Variants in LRRC8C observed in about 807,000 individuals in gnomAD.
LRRC8C encodes the protein leucine rich repeat containing 8 VRAC subunit C.
A neutral mutation model predicts 55.3 loss-of-function variants in LRRC8C; 20 were observed. The ratio of observed to expected loss-of-function variants is 0.36; its 90% CI spans 0.25 to 0.53. The LOEUF (loss-of-function observed/expected upper bound fraction) is 0.53, where lower values mean the gene tolerates loss of function less well. Ranked by LOEUF, LRRC8C falls within the 20% of genes least tolerant of loss-of-function variation. LRRC8C has a pLI of 0.92. For missense variants in LRRC8C, 659 were observed against 951.4 expected, an observed-to-expected ratio of 0.69 and a Z score of 4.04; for synonymous variants, 376 against 360.7, an observed-to-expected ratio of 1.04 and a Z score of -0.48.
intron 1 of LRRC8C, among the ~76,000 whole-genome samples, chr1:89,662,359 AG>A (rs1488135022): frequency 2.6e-5 from 4 of 152,146 alleles, no homozygotes; most frequent in African/African-American, 9.7e-5. Flanking sequence ...GTGAGATTGC[AG>A]AGGGCCTTTT....
intron 1 of LRRC8C, among the ~76,000 whole-genome samples, chr1:89,681,766 C>G (rs1427658932): frequency 1.3e-5 from 2 of 152,182 alleles, no homozygotes; most frequent in Non-Finnish European, 2.9e-5. Flanking sequence ...ATTATGGGAG[C>G]TACAGTTCAC....
At chr1:89,658,447 A>T (rs945943093) in intron 1 of LRRC8C, among the ~76,000 whole-genome samples, 4 of 152,220 alleles carry the variant, frequency 2.6e-5, no homozygotes, top group Non-Finnish European at 4.4e-5. Context: ...AAGTTTTAAA[A>T]TAGTAATTAT....
intron 1 of LRRC8C, among the ~76,000 whole-genome samples, 196 bp downstream of exon 1, chr1:89,633,518 AG>A (rs1171544518): frequency 5.9e-5 from 9 of 152,156 alleles, no homozygotes; most frequent in Non-Finnish European, 1.0e-4. Flanking sequence ...GCGGCTCAGG[AG>A]CCCGCCAACC....
At chr1:89,659,054 T>TTG (rs749888217) in intron 1 of LRRC8C, among the ~76,000 whole-genome samples, 27,580 of 88,740 alleles carry the variant, frequency 0.31, 4,765 homozygotes, top group Admixed American at 0.46. Context: ...CCAGGTTTTT[T>TTG]TTTTTTTTGT....
chr1:89,694,003 A>G (rs558174520), intron 2 of LRRC8C, among the ~76,000 whole-genome samples: 4 of 152,096 alleles, frequency 2.6e-5, no homozygotes, highest in Admixed American at 2.0e-4. Context: ...CCGTTCTACT[A>G]GGGTCTTTGG....
intron 1 of LRRC8C, among the ~76,000 whole-genome samples, chr1:89,672,751 T>G (rs1657456186): frequency 6.6e-6 from 1 of 152,096 alleles, no homozygotes; most frequent in Admixed American, 6.6e-5. Flanking sequence ...CAACTTATCT[T>G]TCCACCAATT....
chr1:89,712,128 T>C (rs1433949488), intron 2 of LRRC8C, among the ~76,000 whole-genome samples: 9 of 152,196 alleles, frequency 5.9e-5, no homozygotes, highest in Non-Finnish European at 1.2e-4. Context: ...AATTTTTTTT[T>C]TGAGACAAAA....
At chr1:89,651,789 T>C (rs1656792186) in intron 1 of LRRC8C, among the ~76,000 whole-genome samples, 1 of 152,156 alleles carries the variant, frequency 6.6e-6, no homozygotes, top group South Asian at 2.1e-4. Flanking sequence ...GATAGGGACA[T>C]TTTGTAGCAA....
rs564089885 is a variant in LRRC8C, at chr1:89,697,118, T to C, written c.138+10507T>C. ...ATGCCATAACAAATTATGGATATTA[T>C]CTTTTAAGGATGACACTATCTATTC... On this transcript the variant is annotated intron_variant, in intron 2 of 2. Coordinates refer to ENST00000370454, the MANE Select transcript of LRRC8C (RefSeq NM_032270.5). Among the ~76,000 whole-genome samples the C allele has an allele frequency of 5.8e-4, 88 of 152,328 alleles. 2 individuals carry two copies. In the South Asian group the frequency reaches 8.7e-3, roughly 15 times the overall value.
At chr1:89,618,199 GA>G in the LRRC8C span, among the ~76,000 whole-genome samples, 2 of 152,144 alleles carry the variant, frequency 1.3e-5, no homozygotes, top group Non-Finnish European at 2.9e-5. Context: ...CCTCTGTCCT[GA>G]AACTACATAG....
At chr1:89,629,507 T>C (rs1006464460), upstream of LRRC8C, among the ~76,000 whole-genome samples, 1 of 152,216 alleles carries the variant, frequency 6.6e-6, no homozygotes. Flanking sequence ...TTTAAGCAGA[T>C]ACATATACAT....
chr1:89,639,958 TAGG>T (rs1434231619), intron 1 of LRRC8C, among the ~76,000 whole-genome samples: 13 of 152,228 alleles, frequency 8.5e-5, no homozygotes, highest in Non-Finnish European at 1.6e-4. Flanking sequence ...AATTATAAAT[TAGG>T]AGTAAGCATA....
At position 89,633,635 on chromosome 1, in the gene LRRC8C, G is replaced by C. The variant is rs556613507; in HGVS notation, c.-5+313G>C. ...GGTCCTGCAGACTGGGCGCGGGGGT[G>C]GGGGGGCGGTCCGCGAGGGGAAATG... On this transcript the variant is annotated intron_variant, in intron 1 of 2. Transcript: ENST00000370454. Among the ~76,000 whole-genome samples, 20 of 141,254 alleles carry C rather than the reference G, an allele frequency of 1.4e-4. No homozygotes were observed. In the East Asian group the frequency reaches 1.7e-3, roughly 12 times the overall value. 92.7% of individuals were successfully genotyped at this position (141,254 alleles called of 152,430 possible).
chr1:89,661,000 T>A (rs552590612), intron 1 of LRRC8C, among the ~76,000 whole-genome samples: 1 of 152,254 alleles, frequency 6.6e-6, no homozygotes, highest in East Asian at 1.9e-4. Flanking sequence ...CCTTTTGTAT[T>A]CCTTTGCTTG....
upstream of LRRC8C, among the ~76,000 whole-genome samples, chr1:89,629,502 G>A (rs1656052631): frequency 6.6e-6 from 1 of 152,194 alleles, no homozygotes; most frequent in African/African-American, 2.4e-5. Context: ...CAAGGTTTAA[G>A]CAGATACATA....
chr1:89,698,170 G>C (rs1658225286), intron 2 of LRRC8C, among the ~76,000 whole-genome samples: 1 of 152,162 alleles, frequency 6.6e-6, no homozygotes. Flanking sequence ...GGAATCACTA[G>C]ACTGATATCA....
At chr1:89,669,351 A>G (rs1042556701) in intron 1 of LRRC8C, among the ~76,000 whole-genome samples, 1 of 152,172 alleles carries the variant, frequency 6.6e-6, no homozygotes, top group African/African-American at 2.4e-5. Context: ...GTAAGCTTTA[A>G]AGATCTGCTG....
intron 2 of LRRC8C, among the ~76,000 whole-genome samples, chr1:89,705,221 A>G (rs1658441089): frequency 7.3e-6 from 1 of 137,424 alleles, no homozygotes; most frequent in Non-Finnish European, 1.5e-5. Context: ...GGAATTGAAC[A>G]GTGAGAACAC....
chr1:89,713,997 A>C lies in LRRC8C; in HGVS notation c.1427A>C (p.Gln476Pro), dbSNP rs371950033. Reference protein sequence around the residue: ...LDNLQELSLHQCSVKIHSAAL... With the variant: ...LDNLQELSLHPCSVKIHSAAL... The stretch of plus-strand genomic sequence containing the variant: ...AATCTTCAAGAGCTCTCTCTGCACC[A>C]GTGTTCTGTCAAAATCCACAGTGCG... Residue 476 changes from glutamine (Q) to proline (P), a missense_variant, in exon 3 of 3, where the codon CAG (glutamine) becomes CCG (proline). Around this residue, in one of 5 missense-constraint regions of LRRC8C, gnomAD observed 344 missense variants for 464.6 expected, o/e 0.74. Transcript: ENST00000370454. The surrounding 1 kb of genome is among the most constrained non-coding windows in gnomAD (Gnocchi z 5.2). The C allele has an allele frequency of 6.2e-7, 1 of 1,613,234 alleles. No homozygotes were observed. Among genetic ancestry groups the C allele is most frequent in the Non-Finnish European group, 8.5e-7 (1 of 1,180,016 alleles).
Sources: allele counts gnomAD v4.1 joint callset (sites outside exome capture counted in the v4.1 genomes callset), GRCh38; gene constraint gnomAD v4.1.1; regional missense constraint gnomAD v4.1.1; non-coding constraint Gnocchi (gnomAD v3.1); transcripts MANE v1.5; gene names NCBI Gene and HGNC (gene_info 2026-07-23, HGNC 2026-07-21).